KCNH1: variants seen among roughly 807,000 people sequenced by gnomAD.
KCNH1 encodes potassium voltage-gated channel subfamily H member 1.
In KCNH1, 27 loss-of-function variants were observed where a neutral mutation model predicts 69.2. That is an observed-to-expected ratio of 0.39 (90% CI 0.29 to 0.54). The LOEUF is 0.54. KCNH1 is among the 20% of genes least tolerant of loss of function. The pLI is 0.68. For missense variants in KCNH1, 798 were observed against 1,261.6 expected (o/e 0.63, Z 5.57); for synonymous variants, 456 against 487.7 (o/e 0.93, Z 0.86).
chr1:210,942,391 T>C (rs1687891825), intron 6 of KCNH1, among the ~76,000 whole-genome samples: 1 of 152,062 alleles, frequency 6.6e-6, no homozygotes. Flanking sequence ...CATCTTCACC[T>C]ATAAAGTAGG....
chr1:210,904,104 G>A (rs949701187), intron 7 of KCNH1, among the ~76,000 whole-genome samples: 1 of 152,212 alleles, frequency 6.6e-6, no homozygotes, highest in Non-Finnish European at 1.5e-5. Context: ...TGGAATGTCA[G>A]CAGGCAGTGC....
At chr1:211,092,338 C>T (rs1691067992) in intron 3 of KCNH1, among the ~76,000 whole-genome samples, 1 of 152,222 alleles carries the variant, frequency 6.6e-6, no homozygotes, top group Admixed American at 6.5e-5. Context: ...AGCTACTTTA[C>T]AGATTTGGCT....
At chr1:210,777,458 T>C (rs977398141) in intron 9 of KCNH1, among the ~76,000 whole-genome samples, 1 of 152,194 alleles carries the variant, frequency 6.6e-6, no homozygotes, top group African/African-American at 2.4e-5. Context: ...CTTACCAAGT[T>C]CTTTTTTCAA....
intron 7 of KCNH1, among the ~76,000 whole-genome samples, chr1:210,890,508 C>T (rs935144097): frequency 2.0e-5 from 3 of 152,056 alleles, no homozygotes; most frequent in Admixed American, 2.0e-4. Flanking sequence ...ACTAAAACAC[C>T]AAAAGCAATG....
intron 10 of KCNH1, among the ~76,000 whole-genome samples, chr1:210,773,679 CT>C (rs1683797300): frequency 6.6e-6 from 1 of 152,202 alleles, no homozygotes; most frequent in African/African-American, 2.4e-5. Flanking sequence ...GGTATCACCC[CT>C]GACAATTAAT....
chr1:211,104,280 T>C (rs1242326707), intron 2 of KCNH1, among the ~76,000 whole-genome samples: 1 of 152,158 alleles, frequency 6.6e-6, no homozygotes, highest in East Asian at 1.9e-4. Context: ...AGGAGAAACA[T>C]AATCAGATTT....
intron 6 of KCNH1, among the ~76,000 whole-genome samples, chr1:211,007,629 A>G (rs1689309642): frequency 6.6e-6 from 1 of 152,100 alleles, no homozygotes; most frequent in South Asian, 2.1e-4. Context: ...AATTGTGCTC[A>G]GAAGTTTCCT....
At chr1:211,118,524 G>C (rs1344800195) in intron 1 of KCNH1, among the ~76,000 whole-genome samples, 1 of 152,212 alleles carries the variant, frequency 6.6e-6, no homozygotes, top group Admixed American at 6.5e-5. Context: ...AGCTGCAAGA[G>C]TGTGTGCAAT....
At chr1:210,890,132 G>C (rs972826411) in intron 7 of KCNH1, among the ~76,000 whole-genome samples, 10 of 152,132 alleles carry the variant, frequency 6.6e-5, no homozygotes, top group Non-Finnish European at 1.3e-4. Flanking sequence ...CAGGCTACCT[G>C]ATGTCAAACT....
At chr1:210,930,543 T>C (rs1181527508) in intron 6 of KCNH1, among the ~76,000 whole-genome samples, 1 of 152,132 alleles carries the variant, frequency 6.6e-6, no homozygotes, top group Non-Finnish European at 1.5e-5. Flanking sequence ...TCAAGATGGA[T>C]TAAAGACTTA....
intron 7 of KCNH1, among the ~76,000 whole-genome samples, chr1:210,917,570 G>T (rs1413285280): frequency 1.3e-5 from 2 of 152,144 alleles, no homozygotes. Context: ...GTAAGAAGTT[G>T]CAGGGAAATC....
At chr1:211,112,324 G>A (rs1456093816) in intron 1 of KCNH1, among the ~76,000 whole-genome samples, 2 of 90,142 alleles carry the variant, frequency 2.2e-5, no homozygotes, top group East Asian at 8.3e-4. Flanking sequence ...CCCGGGGCCC[G>A]GGTCTGGGAA....
chr1:211,058,373 T>C (rs1014905514), intron 5 of KCNH1, among the ~76,000 whole-genome samples: 1 of 152,032 alleles, frequency 6.6e-6, no homozygotes, highest in African/African-American at 2.4e-5. Flanking sequence ...AGACTAAAAG[T>C]TGAACCAATA....
chr1:210,787,210 C>G (rs1276821741), intron 9 of KCNH1, among the ~76,000 whole-genome samples: 2 of 151,786 alleles, frequency 1.3e-5, no homozygotes, highest in Non-Finnish European at 2.9e-5. Context: ...AGATGCTTCT[C>G]CCTATTCCTG....
intron 7 of KCNH1, among the ~76,000 whole-genome samples, chr1:210,839,711 C>T (rs1436204515): frequency 6.6e-6 from 1 of 152,094 alleles, no homozygotes; most frequent in African/African-American, 2.4e-5. Context: ...GACAGAAGAA[C>T]TTTATATCAA....
At chr1:210,712,025 C>T (rs996134952) in intron 10 of KCNH1, among the ~76,000 whole-genome samples, 3 of 152,166 alleles carry the variant, frequency 2.0e-5, no homozygotes, top group African/African-American at 7.2e-5. Context: ...CAGGTGGAAT[C>T]ACAACCCACA....
At chr1:210,959,385 T>A (rs1688251841) in intron 6 of KCNH1, among the ~76,000 whole-genome samples, 1 of 152,108 alleles carries the variant, frequency 6.6e-6, no homozygotes. Flanking sequence ...GGGACCCACT[T>A]GAGGAGGCAG....
chr1:210,684,827 G>A (rs944592302), intron 10 of KCNH1, among the ~76,000 whole-genome samples: 4 of 152,224 alleles, frequency 2.6e-5, no homozygotes, highest in Non-Finnish European at 5.9e-5. Context: ...CTTGGACAGT[G>A]CTTTGCAGGT....
At chr1:211,085,314 A>C (rs1219330112) in intron 4 of KCNH1, among the ~76,000 whole-genome samples, 1 of 152,148 alleles carries the variant, frequency 6.6e-6, no homozygotes, top group Non-Finnish European at 1.5e-5. Flanking sequence ...TAGGGGCCAA[A>C]CCAAGAAGAA....
Sources: allele counts gnomAD v4.1 joint callset (sites outside exome capture counted in the v4.1 genomes callset), GRCh38; gene constraint gnomAD v4.1.1; transcripts MANE v1.5; gene names NCBI Gene and HGNC (gene_info 2026-07-23, HGNC 2026-07-21).